SDCCAG8: variants seen among roughly 807,000 people sequenced by gnomAD.
SDCCAG8 encodes serologically defined colon cancer antigen 8.
In SDCCAG8, 74 loss-of-function variants were observed where a neutral mutation model predicts 101.8. The ratio of observed to expected loss-of-function variants is 0.73; its 90% CI spans 0.60 to 0.88. SDCCAG8 has a LOEUF of 0.88. Ranked by LOEUF, SDCCAG8 falls within the 40% of genes least tolerant of loss-of-function variation. SDCCAG8 has a pLI of 0.00. For missense variants in SDCCAG8, 787 were observed against 822.6 expected (o/e 0.96, Z 0.53); for synonymous variants, 281 against 292.9 (o/e 0.96, Z 0.41).
At chr1:243,410,556 C>T (rs1249722476) in intron 13 of SDCCAG8, among the ~76,000 whole-genome samples, 2 of 152,104 alleles carry the variant, frequency 1.3e-5, no homozygotes, top group African/African-American at 4.8e-5. Context: ...CTTCAGACAT[C>T]AGTAAAAAGG....
intron 17 of SDCCAG8, among the ~76,000 whole-genome samples, chr1:243,497,680 T>G (rs1238570044): frequency 2.6e-5 from 4 of 152,160 alleles, no homozygotes; most frequent in Non-Finnish European, 4.4e-5. Flanking sequence ...GCAACACATT[T>G]TACTTTTACT....
At chr1:243,380,280 G>A (rs2077858588) in intron 13 of SDCCAG8, among the ~76,000 whole-genome samples, 1 of 152,130 alleles carries the variant, frequency 6.6e-6, no homozygotes, top group African/African-American at 2.4e-5. Flanking sequence ...CATAATTCCT[G>A]TGGCTATTTA....
chr1:243,492,011 T>G (rs1229011301), intron 17 of SDCCAG8, among the ~76,000 whole-genome samples: 2 of 152,156 alleles, frequency 1.3e-5, no homozygotes, highest in Admixed American at 6.5e-5. Flanking sequence ...CTTCCCTCCC[T>G]GTCCTGGGTC....
chr1:243,483,414 C>A (rs1245226752), intron 16 of SDCCAG8, among the ~76,000 whole-genome samples: 1 of 152,176 alleles, frequency 6.6e-6, no homozygotes, highest in Non-Finnish European at 1.5e-5. Context: ...GCCCCTGCTC[C>A]CGCCTCCACT....
chr1:243,361,773 T>C (rs1389865374), intron 12 of SDCCAG8, among the ~76,000 whole-genome samples: 2 of 152,256 alleles, frequency 1.3e-5, no homozygotes, highest in African/African-American at 4.8e-5. Context: ...TGGCTACTAA[T>C]GTATACTCTG....
chr1:243,499,567 A>C (rs1668989336), intron 17 of SDCCAG8, among the ~76,000 whole-genome samples, 189 bp from the exon 18 acceptor site: 1 of 152,160 alleles, frequency 6.6e-6, no homozygotes, highest in Admixed American at 6.5e-5. Flanking sequence ...ACCTTATTTC[A>C]TATGTGAAGG....
At position 243,474,161 on chromosome 1, in the gene SDCCAG8, C is replaced by A. The variant is rs1037648258; in HGVS notation, c.1986-14853C>A. ...ATAAGGAATTAAAAGGTAAGAAAAG[C>A]AAATGCAATCACGCAGCACCTTTCC... On this transcript the variant is annotated intron_variant, in intron 16 of 17. Coordinates refer to ENST00000366541, the MANE Select transcript of SDCCAG8 (RefSeq NM_006642.5). The surrounding 1 kb of genome is among the most constrained non-coding windows in gnomAD (Gnocchi z 4.7). Among the ~76,000 whole-genome samples, 1 of 152,102 alleles carries A rather than the reference C, an allele frequency of 6.6e-6. No homozygotes were observed. Among genetic ancestry groups the A allele is most frequent in the African/African-American group, 2.4e-5 (1 of 41,404 alleles).
intron 15 of SDCCAG8, among the ~76,000 whole-genome samples, chr1:243,422,880 C>T: frequency 6.6e-6 from 1 of 152,152 alleles, no homozygotes; most frequent in East Asian, 1.9e-4. Flanking sequence ...GTTCATGCTT[C>T]TGTAAAGCCA....
intron 4 of SDCCAG8, among the ~76,000 whole-genome samples, chr1:243,283,102 C>G (rs988343244): frequency 6.6e-6 from 1 of 152,144 alleles, no homozygotes. Context: ...CCTGCCTCGG[C>G]CTTCCAAAGT....
intron 16 of SDCCAG8, among the ~76,000 whole-genome samples, chr1:243,483,240 G>T (rs1366819440): frequency 6.6e-6 from 1 of 152,046 alleles, no homozygotes; most frequent in Non-Finnish European, 1.5e-5. Context: ...CTCGGAGCGC[G>T]CCCCCTGGGC....
rs61833167 is a variant in SDCCAG8 at position 243,477,020 on chromosome 1, A to G, written c.1986-11994A>G. Among the ~76,000 whole-genome samples, 222 of 101,118 alleles carry G rather than the reference A, an allele frequency of 2.2e-3. 2 individuals are homozygous for G. The highest frequency in any genetic ancestry group is 8.5e-3 in the East Asian group (22 of 2,598). 66.3% of individuals were successfully genotyped at this position (101,118 alleles called of 152,430 possible). On this transcript the variant is annotated intron_variant, in intron 16 of 17. Transcript: ENST00000366541. The stretch of plus-strand genomic sequence containing the variant: ...TCTGTACACACACACACACACACAC[A>G]CACACACACACACAGAGAGAAAGGC...
intron 16 of SDCCAG8, chr1:243,476,444 A>C: frequency 1.2e-6 from 1 of 823,466 alleles, no homozygotes; most frequent in Non-Finnish European, 1.5e-6. Flanking sequence ...GGCTAGTTTG[A>C]CTATCCCAAG....
Position 243,489,113 on chromosome 1 carries a change from G to C in SDCCAG8, c.2085G>C (p.Ser695=). 1 of 1,612,912 alleles carries C rather than the reference G, an allele frequency of 6.2e-7. No individual in the cohort carries two copies. Among genetic ancestry groups the C allele is most frequent in the Non-Finnish European group, 8.5e-7 (1 of 1,179,986 alleles). Residue 695 remains serine (S), a synonymous_variant, in exon 17 of 18, where the codon TCG becomes TCC. Transcript: ENST00000366541. The stretch of plus-strand genomic sequence containing the variant: ...TTCTCCTGGAGAGGCAGAGCCTGTC[G>C]GAAGAGGTGGACCGGCTGCGGACCC... ...NQLLLERQSL[S]EEVDRLRTQL... is the part of the protein sequence containing the mutation.
chr1:243,294,506 C>CGAGAGAGAGAGAGAGAGAGAGAGAGAGA (rs74162272), intron 6 of SDCCAG8, among the ~76,000 whole-genome samples: 4,795 of 105,466 alleles, frequency 0.045, 342 homozygotes, highest in Middle Eastern at 0.067. Flanking sequence ...AGAGAAAGAG[C>CGAGAGAGAGAGAGAGAGAGAGAGAGAGA]GAGAGAGAGA....
At position 243,459,556 on chromosome 1, in the gene SDCCAG8, C is replaced by T. The variant is rs554855684; in HGVS notation, c.1986-29458C>T. ...GTACCTAAAATGAAAGAAAACACAA[C>T]CTTTTGGAAGAGTGGGAATGGAAGG... is the stretch of plus-strand genomic sequence containing the variant. On this transcript the variant is annotated intron_variant, in intron 16 of 17. Coordinates refer to ENST00000366541, the MANE Select transcript of SDCCAG8 (RefSeq NM_006642.5). 3.3e-5 allele frequency among the ~76,000 whole-genome samples: 5 copies of T among 152,158 alleles called. No individual in the cohort carries two copies. In the East Asian group the frequency reaches 9.7e-4, roughly 29 times the overall value.
intron 1 of SDCCAG8, among the ~76,000 whole-genome samples, chr1:243,257,522 A>C (rs1434412715): frequency 6.6e-6 from 1 of 151,942 alleles, no homozygotes; most frequent in East Asian, 1.9e-4. Flanking sequence ...AAGGGTAAAG[A>C]TCAGTGCTTA....
intron 8 of SDCCAG8, among the ~76,000 whole-genome samples, chr1:243,312,146 C>T (rs2072787072): frequency 6.6e-6 from 1 of 152,174 alleles, no homozygotes; most frequent in African/African-American, 2.4e-5. Context: ...ATGCAGAGTG[C>T]TGAATATTGA....
intron 13 of SDCCAG8, among the ~76,000 whole-genome samples, chr1:243,394,635 G>A (rs2078925897): frequency 6.6e-6 from 1 of 152,194 alleles, no homozygotes; most frequent in South Asian, 2.1e-4. Context: ...AGAACTGCAA[G>A]TCTCATTCAG....
At chr1:243,325,895 G>A (rs1000667355) in intron 9 of SDCCAG8, among the ~76,000 whole-genome samples, 1 of 152,236 alleles carries the variant, frequency 6.6e-6, no homozygotes, top group African/African-American at 2.4e-5. Flanking sequence ...AAGAGGAAAA[G>A]AATTCACCTG....
Sources: gnomAD v4.1 joint callset for allele counts (sites outside exome capture counted in the v4.1 genomes callset) on GRCh38, gnomAD v4.1.1 for gene constraint, Gnocchi (gnomAD v3.1) non-coding constraint, MANE v1.5 for transcripts, NCBI Gene and HGNC (gene_info 2026-07-23, HGNC 2026-07-21) for gene names.